Variants in DLL4 observed in about 807,000 individuals in gnomAD.
DLL4 encodes the protein delta like canonical Notch ligand 4, also known as delta-like protein 4.
DLL4 carries 7 observed loss-of-function variants against 73.6 expected under a neutral mutation model. That is an observed-to-expected ratio of 0.10 (90% CI 0.05 to 0.18). The LOEUF (loss-of-function observed/expected upper bound fraction) is 0.18. Among genes scored for constraint, DLL4 ranks in the 10% least tolerant of loss-of-function variants. The pLI is 1.00. For missense variants in DLL4, 614 were observed against 929.9 expected, an observed-to-expected ratio of 0.66 and a Z score of 4.42; for synonymous variants, 345 against 374.3, an observed-to-expected ratio of 0.92 and a Z score of 0.90.
At position 40,930,511 on chromosome 15, in the gene DLL4, G is replaced by A. The variant is rs1892751494; in HGVS notation, c.337-114G>A. On this transcript the variant is annotated intron_variant, in intron 2 of 10. Coordinates refer to ENST00000249749, the MANE Select transcript of DLL4 (RefSeq NM_019074.4). The surrounding 1 kb of genome is among the most constrained non-coding windows in gnomAD (Gnocchi z 5.7). ...GCACAGCCCCGTTATGTTGACCCGG[G>A]CGCAGTAACTGAATCCTGCAATTAG... 1.1e-6 allele frequency: 1 copy of A among 871,440 alleles called. No individual in the cohort carries two copies. Among genetic ancestry groups the A allele is most frequent in the Non-Finnish European group, 1.9e-6 (1 of 533,906 alleles). 54.0% of individuals were successfully genotyped at this position (871,440 alleles called of 1,614,324 possible). A position where few individuals can be genotyped will look rare whatever the true frequency, so the allele number is the denominator to read the frequency against.
At chr15:40,935,165 G>A in intron 8 of DLL4, 48 bp downstream of exon 8, 2 of 1,555,072 alleles carry the variant, frequency 1.3e-6, no homozygotes, top group Non-Finnish European at 1.7e-6. Context: ...CTGGGGCTGA[G>A]AGAGACTTCT....
chr15:40,933,172 G>A (rs1892793373), intron 6 of DLL4, among the ~76,000 whole-genome samples: 1 of 152,220 alleles, frequency 6.6e-6, no homozygotes, highest in Non-Finnish European at 1.5e-5. Context: ...ACCGGCGCAG[G>A]CCTGGGTAGG....
At chr15:40,937,950 C>T in intron 10 of DLL4, 79 bp from the exon 11 acceptor site, 1 of 1,565,776 alleles carries the variant, frequency 6.4e-7, no homozygotes. Context: ...TCGCCTTCTC[C>T]CAGGGAGGCC....
intron 7 of DLL4, 72 bp downstream of exon 7, chr15:40,934,789 G>A: frequency 6.3e-7 from 1 of 1,588,768 alleles, no homozygotes; most frequent in South Asian, 1.1e-5. Context: ...TAGGCAGTTA[G>A]TGGATGTACA....
In DLL4 at chr15:40,932,182, T is replaced by G; in HGVS notation, c.670T>G (p.Ser224Ala). ...GEYCQQPICL[S>A]GCHEQNGYCS... ...TGTTCTTCCCTTAGCTATCTGTCTT[T>G]CGGGCTGTCATGAACAGAATGGCTA... The change falls in exon 5 of 11, where the codon TCG becomes GCG. Residue 224 changes from serine to alanine, a missense_variant. Coordinates refer to ENST00000249749, the MANE Select transcript of DLL4 (RefSeq NM_019074.4). The G allele has an allele frequency of 1.2e-6, 2 of 1,613,996 alleles. No individual in the cohort carries two copies.
rs1357932794 is a variant in DLL4, at chr15:40,931,585, G to A, written c.477G>A (p.Glu159=). The stretch of plus-strand genomic sequence containing the variant: ...TGGGTCAGAACTGGTTATTGGATGA[G>A]CAAACCAGCACCCTCACAAGGCTGC... The part of the protein sequence containing the change: ...LAVGQNWLLD[E]QTSTLTRLRY... The change falls in exon 4 of 11, where the codon GAG becomes GAA. Residue 159 remains glutamate (E), a synonymous_variant. Transcript: ENST00000249749. The A allele has an allele frequency of 1.2e-6, 2 of 1,612,516 alleles. No individual in the cohort carries two copies. The highest frequency in any genetic ancestry group is 1.1e-5 in the South Asian group (1 of 90,722).
In DLL4 at chr15:40,930,485, T is replaced by C; in HGVS notation, c.337-140T>C. The C allele has an allele frequency of 2.6e-6, 2 of 756,438 alleles. No homozygotes were observed. The allele number at this position is 756,438 out of a possible 1,614,324, so 46.9% of individuals were successfully genotyped here. On this transcript the variant is annotated intron_variant, in intron 2 of 10. Transcript: ENST00000249749. The surrounding 1 kb of genome is among the most constrained non-coding windows in gnomAD (Gnocchi z 5.7). ...CCTTCCCTGCTCAAGCGCTACACTG[T>C]GCACAGCCCCGTTATGTTGACCCGG...
rs1271902489 is a variant in DLL4 at position 40,938,215 on chromosome 15, C to G, written c.*181C>G. On this transcript the variant is annotated 3_prime_UTR_variant, in exon 11 of 11. Coordinates refer to ENST00000249749, the MANE Select transcript of DLL4 (RefSeq NM_019074.4). ...CCAAGAGATGCAATACCCTTCCACA[C>G]CTTTGGGTGTCTGTCTGGCATCAGA... 1 of 546,820 alleles carries G rather than the reference C, an allele frequency of 1.8e-6. No homozygotes were observed. Among genetic ancestry groups the G allele is most frequent in the East Asian group, 3.5e-5 (1 of 28,798 alleles). 33.9% of individuals were successfully genotyped at this position (546,820 alleles called of 1,614,324 possible).
intron 3 of DLL4, 77 bp from the exon 4 acceptor site, chr15:40,931,423 CAAG>C (rs768133323): frequency 5.2e-4 from 773 of 1,482,550 alleles, no homozygotes; most frequent in Non-Finnish European, 6.4e-4. Context: ...TCATCACAGC[CAAG>C]AAGGACATTG....
Position 40,929,847 on chromosome 15 carries a change from C to T in DLL4, c.67C>T (p.Arg23Cys), listed in dbSNP as rs1188400601. 3 of 1,610,928 alleles carry T rather than the reference C, an allele frequency of 1.9e-6. No homozygotes were observed. The highest frequency in any genetic ancestry group is 1.3e-5 in the African/African-American group (1 of 75,050). The change falls in exon 2 of 11, where the codon CGC becomes TGC. Residue 23 changes from arginine (R) to cysteine (C), a missense_variant and splice_region_variant. Transcript: ENST00000249749. This position sits in a 1 kb window ranked among gnomAD's most constrained non-coding sequence, Gnocchi z 7.1. ...LLLLVALWQQ[R>C]AAGSGVFQLQ... Reference sequence around the variant, plus strand: ...CCTTCCCTCGGTCCCTGTGCAATAGCGCGCGGCCGGCTCCGGCGTCTTCCA... The same window carrying T: ...CCTTCCCTCGGTCCCTGTGCAATAGTGCGCGGCCGGCTCCGGCGTCTTCCA...
In DLL4 at chr15:40,930,795, C is replaced by A; in HGVS notation, c.394+113C>A. ...TGGGGGTGGGAGGCAGGACGCTTAG[C>A]TTGGCCTGGAGCTGCGCCCCGCGCT... is the stretch of plus-strand genomic sequence containing the variant. On this transcript the variant is annotated intron_variant, in intron 3 of 10. Coordinates refer to ENST00000249749, the MANE Select transcript of DLL4 (RefSeq NM_019074.4). This position sits in a 1 kb window ranked among gnomAD's most constrained non-coding sequence, Gnocchi z 5.7. 1 of 1,128,148 alleles carries A rather than the reference C, an allele frequency of 8.9e-7. No homozygotes were observed. The highest frequency in any genetic ancestry group is 1.4e-5 in the South Asian group (1 of 72,182). The allele number at this position is 1,128,148 out of a possible 1,614,324, so 69.9% of individuals were successfully genotyped here. A position where few individuals can be genotyped will look rare whatever the true frequency, so the allele number is the denominator to read the frequency against.
Position 40,930,787 on chromosome 15 carries a change from A to T in DLL4, c.394+105A>T. ...TGCGGGCTTGGGGGTGGGAGGCAGG[A>T]CGCTTAGCTTGGCCTGGAGCTGCGC... is the stretch of plus-strand genomic sequence containing the variant. On this transcript the variant is annotated intron_variant, in intron 3 of 10. Transcript: ENST00000249749. This position sits in a 1 kb window ranked among gnomAD's most constrained non-coding sequence, Gnocchi z 5.7. 1 of 1,209,186 alleles carries T rather than the reference A, an allele frequency of 8.3e-7. No individual in the cohort carries two copies. Among genetic ancestry groups the T allele is most frequent in the South Asian group, 1.3e-5 (1 of 74,944 alleles). 74.9% of individuals were successfully genotyped at this position (1,209,186 alleles called of 1,614,324 possible). A position where few individuals can be genotyped will look rare whatever the true frequency, so the allele number is the denominator to read the frequency against.
Position 40,938,476 on chromosome 15 carries a change from G to A in DLL4, c.*442G>A, listed in dbSNP as rs1294787240. 1 of 157,910 alleles carries A rather than the reference G, an allele frequency of 6.3e-6. No homozygotes were observed. The highest frequency in any genetic ancestry group is 6.4e-5 in the Admixed American group (1 of 15,636). The allele number at this position is 157,910 out of a possible 1,614,324, so 9.8% of individuals were successfully genotyped here. On this transcript the variant is annotated 3_prime_UTR_variant, in exon 11 of 11. Coordinates refer to ENST00000249749, the MANE Select transcript of DLL4 (RefSeq NM_019074.4). ...TTGGGCCCAAATCAGAAAGGAGAGA[G>A]GGGGCCAATGAGGGCAGGGCCTCCT...
In DLL4 at chr15:40,937,489, T is replaced by C; in HGVS notation, c.2015T>C (p.Ile672Thr). Reference protein sequence around the residue: ...RDSMYQSVCLISEERNECVIA... With the variant: ...RDSMYQSVCLTSEERNECVIA... ...TCCATGTACCAGTCTGTGTGTTTGATATCAGAGGAGAGGAATGAATGTGTC... is the reference window on the plus strand; with the variant it reads ...TCCATGTACCAGTCTGTGTGTTTGACATCAGAGGAGAGGAATGAATGTGTC... Residue 672 changes from isoleucine (I) to threonine (T), a missense_variant, in exon 10 of 11, where the codon ATA becomes ACA. Ile to Thr is a moderately conservative substitution (Grantham distance 89). Coordinates refer to ENST00000249749, the MANE Select transcript of DLL4 (RefSeq NM_019074.4). 1 of 1,613,686 alleles carries C rather than the reference T, an allele frequency of 6.2e-7. No homozygotes were observed. Among genetic ancestry groups the C allele is most frequent in the East Asian group, 2.2e-5 (1 of 44,882 alleles).
At chr15:40,935,928 C>T (rs117759159) in intron 8 of DLL4, among the ~76,000 whole-genome samples, 19 of 152,332 alleles carry the variant, frequency 1.2e-4, no homozygotes, top group Non-Finnish European at 1.9e-4. Flanking sequence ...CACGGTTAAG[C>T]AGCAAGTGCC....
chr15:40,931,311 C>T (rs763697267), intron 3 of DLL4, 192 bp from the exon 4 acceptor site: 24 of 639,228 alleles, frequency 3.8e-5, no homozygotes, highest in Non-Finnish European at 6.0e-5. Flanking sequence ...CATGCACACA[C>T]GTAGGGCAGC....
chr15:40,929,508 G>T lies in DLL4; in HGVS notation c.-161G>T. Reference sequence around the variant, plus strand: ...CGTAGTCACCTGGATTACCTACAGCGGCAGCTGCAGCGGAGCCAGCGAGAA... The same window carrying T: ...CGTAGTCACCTGGATTACCTACAGCTGCAGCTGCAGCGGAGCCAGCGAGAA... On this transcript the variant is annotated 5_prime_UTR_variant, in exon 1 of 11. Transcript: ENST00000249749. The surrounding 1 kb of genome is among the most constrained non-coding windows in gnomAD (Gnocchi z 7.1). 1 of 657,106 alleles carries T rather than the reference G, an allele frequency of 1.5e-6. No homozygotes were observed. Among genetic ancestry groups the T allele is most frequent in the Non-Finnish European group, 2.5e-6 (1 of 401,240 alleles). The allele number at this position is 657,106 out of a possible 1,614,324, so 40.7% of individuals were successfully genotyped here. A position where few individuals can be genotyped will look rare whatever the true frequency, so the allele number is the denominator to read the frequency against.
Position 40,938,091 on chromosome 15 carries a change from A to G in DLL4, c.*57A>G. Reference sequence around the variant, plus strand: ...CCCCGCGGCTGGACCTTCCTTCTGCATTGTTTACATTGCATCCTGGATGGG... The same window carrying G: ...CCCCGCGGCTGGACCTTCCTTCTGCGTTGTTTACATTGCATCCTGGATGGG... On this transcript the variant is annotated 3_prime_UTR_variant, in exon 11 of 11. Coordinates refer to ENST00000249749, the MANE Select transcript of DLL4 (RefSeq NM_019074.4). The G allele has an allele frequency of 2.0e-6, 3 of 1,488,198 alleles. No individual in the cohort carries two copies. The highest frequency in any genetic ancestry group is 8.9e-7 in the Non-Finnish European group (1 of 1,118,910). 92.2% of individuals were successfully genotyped at this position (1,488,198 alleles called of 1,614,324 possible).
chr15:40,937,891 G>A (rs943080629), intron 10 of DLL4, 138 bp from the exon 11 acceptor site: 145 of 1,004,500 alleles, frequency 1.4e-4, no homozygotes, highest in African/African-American at 6.4e-4. Context: ...GTGTTGGGCC[G>A]AAGACTGGGG....
Sources: gnomAD v4.1 joint callset for allele counts (sites outside exome capture counted in the v4.1 genomes callset) on GRCh38, gnomAD v4.1.1 for gene constraint, Gnocchi (gnomAD v3.1) non-coding constraint, MANE v1.5 for transcripts, NCBI Gene and HGNC (gene_info 2026-07-23, HGNC 2026-07-21) for gene names.